ATP6V1A: variants seen among roughly 807,000 people sequenced by gnomAD.
ATP6V1A encodes the protein V-type proton ATPase catalytic subunit A.
In ATP6V1A, 18 loss-of-function variants were observed where a neutral mutation model predicts 70.1. That is an observed-to-expected ratio of 0.26 (90% CI 0.18 to 0.38). The LOEUF is 0.38. Ranked by LOEUF, ATP6V1A falls within the 10% of genes least tolerant of loss-of-function variation. ATP6V1A has a pLI of 1.00. For missense variants in ATP6V1A, 424 were observed against 772.4 expected (o/e 0.55, Z 5.35); for synonymous variants, 232 against 253.8 (o/e 0.91, Z 0.82).
At chr3:113,764,039 A>G (rs557580214) in intron 1 of ATP6V1A, among the ~76,000 whole-genome samples, 23 of 152,244 alleles carry the variant, frequency 1.5e-4, no homozygotes, top group African/African-American at 4.8e-4. Flanking sequence ...CAGGAGTTCA[A>G]GAGCAGCCTG....
chr3:113,789,929 A>T, intron 8 of ATP6V1A, 89 bp downstream of exon 8: 1 of 931,382 alleles, frequency 1.1e-6, no homozygotes, highest in Non-Finnish European at 1.7e-6. Context: ...TTTTACTTTC[A>T]TTCTAAAATA....
At chr3:113,772,746 A>T (rs1003042649) in intron 1 of ATP6V1A, among the ~76,000 whole-genome samples, 5 of 151,522 alleles carry the variant, frequency 3.3e-5, no homozygotes, top group Non-Finnish European at 5.9e-5. Flanking sequence ...AAAAAAACCA[A>T]ATGGACAAAA....
intron 2 of ATP6V1A, among the ~76,000 whole-genome samples, chr3:113,779,770 A>G (rs1391986732): frequency 1.3e-5 from 2 of 152,238 alleles, no homozygotes; most frequent in East Asian, 1.9e-4. Flanking sequence ...GAGAAAAGGC[A>G]AAAGAACATC....
chr3:113,757,131 C>T (rs989364689), intron 1 of ATP6V1A, among the ~76,000 whole-genome samples: 5 of 152,160 alleles, frequency 3.3e-5, no homozygotes, highest in Non-Finnish European at 7.3e-5. Context: ...CCAAAATAGA[C>T]ACTTAAAATA....
At chr3:113,806,485 G>A (rs374021567) in intron 14 of ATP6V1A, among the ~76,000 whole-genome samples, 6 of 150,750 alleles carry the variant, frequency 4.0e-5, no homozygotes, top group African/African-American at 1.5e-4. Flanking sequence ...TTTTGAGACA[G>A]TCTTGCTCTG....
intron 2 of ATP6V1A, among the ~76,000 whole-genome samples, chr3:113,780,078 C>G (rs1708961935): frequency 6.6e-6 from 1 of 152,114 alleles, no homozygotes; most frequent in African/African-American, 2.4e-5. Flanking sequence ...ACAATGGCAT[C>G]CTTTTTTGGC....
At chr3:113,792,160 T>C (rs980466563) in intron 8 of ATP6V1A, among the ~76,000 whole-genome samples, 4 of 152,208 alleles carry the variant, frequency 2.6e-5, no homozygotes, top group Non-Finnish European at 5.9e-5. Flanking sequence ...AGCTACCTTA[T>C]TCTTTTAAAT....
intron 1 of ATP6V1A, among the ~76,000 whole-genome samples, chr3:113,773,470 T>G (rs969572008): frequency 2.6e-5 from 4 of 152,116 alleles, no homozygotes; most frequent in African/African-American, 9.7e-5. Context: ...ATAGAATCAT[T>G]AAAATTTTCA....
chr3:113,788,640 C>T (rs752641860), intron 6 of ATP6V1A, 73 bp from the exon 7 acceptor site: 187 of 1,470,910 alleles, frequency 1.3e-4, no homozygotes, highest in Non-Finnish European at 1.6e-4. Flanking sequence ...TGAGCCACCG[C>T]GCCCGGCCCC....
chr3:113,755,499 G>T (rs946599647), intron 1 of ATP6V1A, among the ~76,000 whole-genome samples: 1 of 152,094 alleles, frequency 6.6e-6, no homozygotes, highest in Non-Finnish European at 1.5e-5. Flanking sequence ...TATTCGGGAG[G>T]CTGAGGTGGG....
At chr3:113,799,151 A>G (rs1230706513) in intron 12 of ATP6V1A, among the ~76,000 whole-genome samples, 1 of 152,166 alleles carries the variant, frequency 6.6e-6, no homozygotes, top group Non-Finnish European at 1.5e-5. Flanking sequence ...CTATAGGCTA[A>G]TATTGTTGAT....
chr3:113,780,780 C>T (rs1708969045), intron 2 of ATP6V1A: 6 of 1,316,884 alleles, frequency 4.6e-6, no homozygotes, highest in Non-Finnish European at 5.0e-6. Context: ...CTGAATCCTA[C>T]CAGGTAAGTT....
At position 113,789,985 on chromosome 3, in the gene ATP6V1A, C is replaced by T. The variant is rs1221805443; in HGVS notation, c.988+145C>T. On this transcript the variant is annotated intron_variant, in intron 8 of 14. Transcript: ENST00000273398. ...TTCCTAGCTTTTAAAAAATATTTTA[C>T]TTGGCCGGGAATGGTGACTCACGCC... is the stretch of plus-strand genomic sequence containing the variant. The T allele has an allele frequency of 4.9e-6, 3 of 608,444 alleles. No individual in the cohort carries two copies. The African/African-American group carries it at 5.7e-5, about 12-fold the overall frequency. 37.7% of individuals were successfully genotyped at this position (608,444 alleles called of 1,614,324 possible). A position where few individuals can be genotyped will look rare whatever the true frequency, so the allele number is the denominator to read the frequency against.
In ATP6V1A at chr3:113,811,060, T is replaced by C. The variant is rs1346375443; in HGVS notation, c.*1633T>C. 1.3e-5 allele frequency: 2 copies of C among 152,222 alleles called. No individual in the cohort carries two copies. 9.4% of individuals were successfully genotyped at this position (152,222 alleles called of 1,614,324 possible). A position where few individuals can be genotyped will look rare whatever the true frequency, so the allele number is the denominator to read the frequency against. ...ATGTGTCTGCATATTGCAGAACAGC[T>C]CTGAGAGCAACAGTTTCCCATTAAC... On this transcript the variant is annotated 3_prime_UTR_variant, in exon 15 of 15. Transcript: ENST00000273398.
chr3:113,757,243 A>G (rs992600780), intron 1 of ATP6V1A, among the ~76,000 whole-genome samples: 5 of 152,182 alleles, frequency 3.3e-5, no homozygotes, highest in Non-Finnish European at 4.4e-5. Flanking sequence ...TGTTTTAAAT[A>G]TCACCTCATT....
chr3:113,774,862 T>C (rs1708890205), intron 1 of ATP6V1A, among the ~76,000 whole-genome samples: 1 of 151,704 alleles, frequency 6.6e-6, no homozygotes, highest in Non-Finnish European at 1.5e-5. Context: ...ATAGATGAAG[T>C]AGTACTCTTC....
At chr3:113,764,428 A>G (rs1708743780) in intron 1 of ATP6V1A, among the ~76,000 whole-genome samples, 1 of 152,230 alleles carries the variant, frequency 6.6e-6, no homozygotes, top group East Asian at 1.9e-4. Context: ...ATTTTATGCT[A>G]GTATTGATTA....
chr3:113,789,983 T>G lies in ATP6V1A; in HGVS notation c.988+143T>G, dbSNP rs577715554. The G allele has an allele frequency of 1.1e-4, 67 of 612,146 alleles. 1 individual carries two copies. In the Middle Eastern group the frequency reaches 3.8e-3, roughly 35 times the overall value. The allele number at this position is 612,146 out of a possible 1,614,324, so 37.9% of individuals were successfully genotyped here. On this transcript the variant is annotated intron_variant, in intron 8 of 14. Coordinates refer to ENST00000273398, the MANE Select transcript of ATP6V1A (RefSeq NM_001690.4). ...CATTCCTAGCTTTTAAAAAATATTTTACTTGGCCGGGAATGGTGACTCACG... is the reference window on the plus strand; with the variant it reads ...CATTCCTAGCTTTTAAAAAATATTTGACTTGGCCGGGAATGGTGACTCACG...
Position 113,809,567 on chromosome 3 carries a change from CCT to C in ATP6V1A, c.*141_*142del. 1 of 714,670 alleles carries C rather than the reference CCT, an allele frequency of 1.4e-6. No individual in the cohort carries two copies. Among genetic ancestry groups the C allele is most frequent in the Non-Finnish European group, 2.3e-6 (1 of 441,384 alleles). The allele number at this position is 714,670 out of a possible 1,614,324, so 44.3% of individuals were successfully genotyped here. A position where few individuals can be genotyped will look rare whatever the true frequency, so the allele number is the denominator to read the frequency against. ...AGTGCCTATGTGTGTTATTTGTTTCCCTGTTTTTTTGGTAGGTCTTATATAAA... is the reference window on the plus strand; with the variant it reads ...AGTGCCTATGTGTGTTATTTGTTTCCGTTTTTTTGGTAGGTCTTATATAAA... On this transcript the variant is annotated 3_prime_UTR_variant, in exon 15 of 15. Transcript: ENST00000273398.
Sources: allele counts gnomAD v4.1 joint callset (sites outside exome capture counted in the v4.1 genomes callset), GRCh38; gene constraint gnomAD v4.1.1; transcripts MANE v1.5; gene names NCBI Gene and HGNC (gene_info 2026-07-23, HGNC 2026-07-21).